CTNNA2: variants seen among roughly 807,000 people sequenced by gnomAD.
CTNNA2 encodes catenin alpha 2, also known as catenin alpha-2.
A neutral mutation model predicts 101.0 loss-of-function variants in CTNNA2; 42 were observed. The ratio of observed to expected loss-of-function variants is 0.42; its 90% CI spans 0.32 to 0.54. The LOEUF (loss-of-function observed/expected upper bound fraction) is 0.54. CTNNA2 is among the 20% of genes least tolerant of loss of function. The probability of loss-of-function intolerance (pLI) is 0.14; values close to 1 mark genes in which losing one functional copy is unlikely to be tolerated. For synonymous variants in CTNNA2, 450 were observed against 456.4 expected, an observed-to-expected ratio of 0.99 and a Z score of 0.18; for missense variants, 871 against 1,223.1, an observed-to-expected ratio of 0.71 and a Z score of 4.29.
intron 3 of CTNNA2, among the ~76,000 whole-genome samples, chr2:79,312,948 A>G (rs145292810): frequency 4.8e-4 from 73 of 152,288 alleles, no homozygotes; most frequent in African/African-American, 1.6e-3. Flanking sequence ...TACAGCTAGT[A>G]TTAAACTTTA....
rs191867859 is a variant in CTNNA2, at chr2:80,016,732, T to C, written c.1056+106935T>C. 1.6e-4 allele frequency among the ~76,000 whole-genome samples: 24 copies of C among 152,322 alleles called. No individual in the cohort carries two copies. The East Asian group carries it at 4.6e-3, about 29-fold the overall frequency. The stretch of plus-strand genomic sequence containing the variant: ...TTTTTGTCTTTTGGTTGGTTTGTTT[T>C]TTATTGATTGGTGCTTAATGGAAGG... On this transcript the variant is annotated intron_variant, in intron 7 of 18. Coordinates refer to ENST00000402739, the MANE Select transcript of CTNNA2 (RefSeq NM_001282597.3).
intron 7 of CTNNA2, among the ~76,000 whole-genome samples, chr2:80,263,269 T>C (rs1672754931): frequency 6.6e-6 from 1 of 152,220 alleles, no homozygotes; most frequent in South Asian, 2.1e-4. Context: ...TTGTTAAAAC[T>C]ATTCTGCACA....
intron 3 of CTNNA2, among the ~76,000 whole-genome samples, chr2:79,341,155 A>G (rs1161742966): frequency 3.9e-5 from 6 of 152,168 alleles, no homozygotes; most frequent in Non-Finnish European, 5.9e-5. Flanking sequence ...TAGGAACCCA[A>G]CTCAGCTATT....
intron 7 of CTNNA2, among the ~76,000 whole-genome samples, chr2:80,190,099 G>C (rs1030422233): frequency 6.6e-6 from 1 of 151,900 alleles, no homozygotes; most frequent in Non-Finnish European, 1.5e-5. Flanking sequence ...TCTAAAACTA[G>C]ACCTTAAAGC....
chr2:80,148,442 G>A (rs945158635), intron 7 of CTNNA2, among the ~76,000 whole-genome samples: 1 of 152,220 alleles, frequency 6.6e-6, no homozygotes, highest in African/African-American at 2.4e-5. Context: ...TCCAGTCCTT[G>A]CAAATAGCTG....
chr2:80,517,178 G>A (rs1437535158), intron 9 of CTNNA2, among the ~76,000 whole-genome samples: 4 of 152,236 alleles, frequency 2.6e-5, no homozygotes, highest in Non-Finnish European at 4.4e-5. Context: ...GAGCATAAGT[G>A]TGCTCCATCA....
chr2:79,655,838 A>G (rs1049741584), intron 2 of CTNNA2, among the ~76,000 whole-genome samples: 6 of 152,068 alleles, frequency 3.9e-5, no homozygotes, highest in Admixed American at 2.0e-4. Context: ...CAAAAAAAAA[A>G]AAAAAATGTC....
intron 2 of CTNNA2, among the ~76,000 whole-genome samples, chr2:79,274,578 A>G (rs893604004): frequency 6.6e-6 from 1 of 152,054 alleles, no homozygotes; most frequent in East Asian, 1.9e-4. Flanking sequence ...TCATTCAAGT[A>G]TTTTTTGAAA....
intron 7 of CTNNA2, among the ~76,000 whole-genome samples, chr2:80,327,000 A>G (rs7576136): frequency 0.33 from 49,773 of 151,882 alleles, 8,911 homozygotes; most frequent in East Asian, 0.51. Context: ...CTAAGGCACT[A>G]CCGCTGATGA....
chr2:80,647,254 C>A (rs565999853), intron 18 of CTNNA2, among the ~76,000 whole-genome samples: 13 of 152,046 alleles, frequency 8.6e-5, no homozygotes, highest in Middle Eastern at 3.4e-3. Context: ...TGAGAGGTAA[C>A]CCCTTATAAC....
chr2:79,948,997 A>AAT (rs34891400), intron 7 of CTNNA2, among the ~76,000 whole-genome samples: 1 of 151,990 alleles, frequency 6.6e-6, no homozygotes, highest in Non-Finnish European at 1.5e-5. Context: ...AATAAAATAA[A>AAT]TGGATAAATA....
chr2:79,448,024 A>T (rs958492243), intron 4 of CTNNA2, among the ~76,000 whole-genome samples: 3 of 152,070 alleles, frequency 2.0e-5, no homozygotes, highest in African/African-American at 7.2e-5. Flanking sequence ...ACATTCTAAC[A>T]TCCTGAAGTT....
intron 7 of CTNNA2, among the ~76,000 whole-genome samples, chr2:80,353,774 C>T (rs1390962866): frequency 6.6e-6 from 1 of 152,134 alleles, no homozygotes; most frequent in African/African-American, 2.4e-5. Flanking sequence ...TTTATAAACT[C>T]TAATGGCATT....
At chr2:80,604,782 A>G (rs1221767499) in intron 16 of CTNNA2, among the ~76,000 whole-genome samples, 1 of 151,918 alleles carries the variant, frequency 6.6e-6, no homozygotes, top group Non-Finnish European at 1.5e-5. Context: ...GTGATGGGTC[A>G]TGATTTGATG....
chr2:79,795,546 T>C (rs1186098929), intron 3 of CTNNA2, among the ~76,000 whole-genome samples: 1 of 152,170 alleles, frequency 6.6e-6, no homozygotes, highest in Admixed American at 6.5e-5. Context: ...AAATTTCATT[T>C]AATTTGTTTA....
chr2:79,354,628 T>C (rs1289297339), intron 3 of CTNNA2, among the ~76,000 whole-genome samples: 1 of 152,198 alleles, frequency 6.6e-6, no homozygotes, highest in Admixed American at 6.5e-5. Context: ...TTGCATCTTA[T>C]TGAGCTCCAG....
chr2:80,089,560 C>T (rs1699651783), intron 7 of CTNNA2, among the ~76,000 whole-genome samples: 1 of 151,578 alleles, frequency 6.6e-6, no homozygotes, highest in Admixed American at 6.6e-5. Context: ...TCACTTCTTT[C>T]ACCATAGTGA....
intron 1 of CTNNA2, among the ~76,000 whole-genome samples, chr2:79,650,882 C>A (rs1379980781): frequency 1.4e-5 from 2 of 147,800 alleles, no homozygotes; most frequent in African/African-American, 5.0e-5. Context: ...TGAGAATATG[C>A]GGTGTGTGGT....
At chr2:79,329,584 G>A (rs1331171066) in intron 3 of CTNNA2, among the ~76,000 whole-genome samples, 1 of 152,094 alleles carries the variant, frequency 6.6e-6, no homozygotes, top group African/African-American at 2.4e-5. Context: ...CTTCTGACAG[G>A]ATGCCCAGTA....
Sources: allele counts gnomAD v4.1 joint callset (sites outside exome capture counted in the v4.1 genomes callset), GRCh38; gene constraint gnomAD v4.1.1; transcripts MANE v1.5; gene names NCBI Gene and HGNC (gene_info 2026-07-23, HGNC 2026-07-21).